The following MCC variants were observed in gnomAD, a reference collection of about 807,000 sequenced individuals.
MCC encodes the protein MCC regulator of Wnt signaling pathway.
A neutral mutation model predicts 116.2 loss-of-function variants in MCC; 90 were observed. The observed-to-expected ratio is 0.77, with a 90% CI of 0.65 to 0.92. MCC has a LOEUF of 0.92. MCC is among the 40% of genes least tolerant of loss of function. The pLI, the probability that MCC is intolerant of heterozygous loss-of-function variation, is 0.00. For missense variants in MCC, 1,516 were observed against 1,312.2 expected (o/e 1.16, Z -2.40); for synonymous variants, 578 against 510.5 (o/e 1.13, Z -1.78).
chr5:113,326,134 A>G (rs768619372), intron 3 of MCC, among the ~76,000 whole-genome samples: 26 of 152,230 alleles, frequency 1.7e-4, no homozygotes, highest in Non-Finnish European at 1.2e-4. Flanking sequence ...AATTTTTCAC[A>G]TTTAAGTATG....
At chr5:113,294,709 G>A in intron 3 of MCC, 1 of 1,013,870 alleles carries the variant, frequency 9.9e-7, no homozygotes, top group Non-Finnish European at 1.2e-6. Flanking sequence ...CACCCTGGGC[G>A]CCGCCTCGCC....
Position 113,462,097 on chromosome 5 carries a change from T to A in MCC, c.170+26148A>T, listed in dbSNP as rs530374343. ...GAAACTGAGGAGAAAAGAAAGATTT[T>A]AAAAATGGTATTTTCTTGCTTTACT... On this transcript the variant is annotated intron_variant, in intron 1 of 18. Coordinates refer to ENST00000408903, the MANE Select transcript of MCC (RefSeq NM_001085377.2). Among the ~76,000 whole-genome samples the A allele has an allele frequency of 3.3e-5, 5 of 152,354 alleles. No homozygotes were observed. The South Asian group carries it at 8.3e-4, about 25-fold the overall frequency.
In MCC at chr5:113,210,190, C is replaced by G. The variant is rs149888141; in HGVS notation, c.628-58768G>C. On this transcript the variant is annotated intron_variant, in intron 3 of 18. Transcript: ENST00000408903. The stretch of plus-strand genomic sequence containing the variant: ...TGGGAAGAGTGAAGCTTTAAACCCT[C>G]AACAGTACAACTTTTCCCCTCCCAG... Among the ~76,000 whole-genome samples, 3 of 149,878 alleles carry G rather than the reference C, an allele frequency of 2.0e-5. No individual in the cohort carries two copies. The East Asian group carries it at 6.1e-4, about 30-fold the overall frequency.
intron 3 of MCC, among the ~76,000 whole-genome samples, chr5:113,240,160 T>C (rs940108978): frequency 3.3e-5 from 5 of 152,168 alleles, no homozygotes; most frequent in African/African-American, 9.7e-5. Context: ...CTGCCTTCTG[T>C]GTGACTGCAT....
At chr5:113,406,697 G>T (rs1370383147) in intron 1 of MCC, among the ~76,000 whole-genome samples, 1 of 152,148 alleles carries the variant, frequency 6.6e-6, no homozygotes, top group African/African-American at 2.4e-5. Flanking sequence ...AAAAGCAAAT[G>T]AGGAACAAAC....
At chr5:113,315,877 C>CA (rs1329257533) in intron 3 of MCC, among the ~76,000 whole-genome samples, 3 of 151,244 alleles carry the variant, frequency 2.0e-5, no homozygotes, top group East Asian at 1.9e-4. Context: ...GACCCTGTCT[C>CA]AAAAAAAAGA....
At chr5:113,056,699 G>C (rs1010889861) in intron 14 of MCC, among the ~76,000 whole-genome samples, 1 of 151,918 alleles carries the variant, frequency 6.6e-6, no homozygotes, top group Non-Finnish European at 1.5e-5. Context: ...TGTAACAACC[G>C]TCCACATGTA....
chr5:113,341,830 A>C (rs1240279420), intron 2 of MCC, among the ~76,000 whole-genome samples: 1 of 100,202 alleles, frequency 1.0e-5, no homozygotes, highest in African/African-American at 6.1e-5. Context: ...AGAAAAGAAA[A>C]CTTTTTTTTA....
chr5:113,277,546 T>C (rs1012475274), intron 3 of MCC, among the ~76,000 whole-genome samples: 4 of 152,226 alleles, frequency 2.6e-5, no homozygotes, highest in African/African-American at 9.6e-5. Flanking sequence ...GCTCATGTGA[T>C]GTGAACTAAT....
At position 113,022,755 on chromosome 5, in the gene MCC, C is replaced by T. The variant is rs1750235115; in HGVS notation, c.*4547G>A. On this transcript the variant is annotated 3_prime_UTR_variant, in exon 19 of 19. Coordinates refer to ENST00000408903, the MANE Select transcript of MCC (RefSeq NM_001085377.2). ...GTGGGGGAAATTTGTGTATAACTTG[C>T]TTTGTTCTGCTGAGCTGATATTTCA... 1 of 152,180 alleles carries T rather than the reference C, an allele frequency of 6.6e-6. No individual in the cohort carries two copies. The highest frequency in any genetic ancestry group is 2.4e-5 in the African/African-American group (1 of 41,442). 9.4% of individuals were successfully genotyped at this position (152,180 alleles called of 1,614,324 possible).
chr5:113,281,374 T>C (rs1766041697), intron 3 of MCC, among the ~76,000 whole-genome samples: 1 of 152,206 alleles, frequency 6.6e-6, no homozygotes, highest in African/African-American at 2.4e-5. Flanking sequence ...AAAGTGTGCA[T>C]CACTGATAAA....
chr5:113,293,249 A>AC (rs1434239109), intron 3 of MCC, among the ~76,000 whole-genome samples: 1 of 144,216 alleles, frequency 6.9e-6, no homozygotes, highest in Non-Finnish European at 1.5e-5. Context: ...ACACACACAC[A>AC]CCCCCGCAGG....
intron 1 of MCC, among the ~76,000 whole-genome samples, chr5:113,459,257 G>A (rs542133213): frequency 1.3e-3 from 191 of 151,820 alleles, no homozygotes; most frequent in Non-Finnish European, 2.4e-3. Context: ...CCACAGGCCA[G>A]GTGCGGTGGC....
At chr5:113,139,119 G>T (rs988611374) in intron 5 of MCC, among the ~76,000 whole-genome samples, 1 of 151,990 alleles carries the variant, frequency 6.6e-6, no homozygotes, top group African/African-American at 2.4e-5. Flanking sequence ...GATTACTATT[G>T]TGCCCTTGTT....
chr5:113,352,754 T>C (rs1156710323), intron 2 of MCC, among the ~76,000 whole-genome samples: 1 of 152,118 alleles, frequency 6.6e-6, no homozygotes, highest in African/African-American at 2.4e-5. Context: ...GGGGCTCCTT[T>C]TTCTTCTCAA....
intron 3 of MCC, among the ~76,000 whole-genome samples, chr5:113,280,997 T>C (rs1766027342): frequency 6.6e-6 from 1 of 152,218 alleles, no homozygotes; most frequent in African/African-American, 2.4e-5. Context: ...TATATGCTGG[T>C]CAGCAAATGA....
intron 11 of MCC, among the ~76,000 whole-genome samples, chr5:113,075,921 C>T (rs1754419660): frequency 6.6e-6 from 1 of 152,164 alleles, no homozygotes; most frequent in Non-Finnish European, 1.5e-5. Context: ...ACCAACAACT[C>T]CAGATGCGCC....
chr5:113,127,786 G>T (rs1439489102), intron 5 of MCC, among the ~76,000 whole-genome samples: 1 of 152,210 alleles, frequency 6.6e-6, no homozygotes, highest in East Asian at 1.9e-4. Flanking sequence ...CTCCCATTGT[G>T]TAAGTTGTCT....
chr5:113,298,755 G>T (rs2150363998), intron 3 of MCC, among the ~76,000 whole-genome samples: 1 of 152,326 alleles, frequency 6.6e-6, no homozygotes, highest in African/African-American at 2.4e-5. Flanking sequence ...AGTGTACACA[G>T]TAGGGAAGAC....
Sources: gnomAD v4.1 joint callset for allele counts (sites outside exome capture counted in the v4.1 genomes callset) on GRCh38, gnomAD v4.1.1 for gene constraint, MANE v1.5 for transcripts, NCBI Gene and HGNC (gene_info 2026-07-23, HGNC 2026-07-21) for gene names.